LRFN5: variants seen among roughly 807,000 people sequenced by gnomAD.
LRFN5 encodes the protein leucine-rich repeat and fibronectin type-III domain-containing protein 5.
LRFN5 carries 24 observed loss-of-function variants against 45.6 expected under a neutral mutation model. The observed-to-expected ratio is 0.53, with a 90% CI of 0.38 to 0.74. LRFN5 has a LOEUF of 0.74. Ranked by LOEUF, LRFN5 falls within the 30% of genes least tolerant of loss-of-function variation. The probability of loss-of-function intolerance (pLI) is 0.00; values close to 1 mark genes in which losing one functional copy is unlikely to be tolerated. For missense variants in LRFN5, 776 were observed against 861.5 expected (o/e 0.90, Z 1.24); for synonymous variants, 340 against 313.8 (o/e 1.08, Z -0.88).
chr14:41,645,442 C>T (rs1879771519), intron 1 of LRFN5, among the ~76,000 whole-genome samples: 1 of 152,136 alleles, frequency 6.6e-6, no homozygotes, highest in South Asian at 2.1e-4. Flanking sequence ...ATCATGTTGG[C>T]CAGGCTGGTT....
intron 2 of LRFN5, among the ~76,000 whole-genome samples, chr14:41,781,098 A>T (rs924873941): frequency 6.6e-6 from 1 of 152,142 alleles, no homozygotes; most frequent in African/African-American, 2.4e-5. Context: ...AAGAACAGGG[A>T]AAATATTTTA....
At chr14:41,867,382 G>T (rs1032104984) in intron 2 of LRFN5, among the ~76,000 whole-genome samples, 7 of 152,056 alleles carry the variant, frequency 4.6e-5, no homozygotes, top group African/African-American at 1.7e-4. Context: ...TTATGTGTGT[G>T]CATGGGTGCA....
At chr14:41,856,678 T>TTATTA (rs1566486504) in intron 2 of LRFN5, among the ~76,000 whole-genome samples, 56 of 3,752 alleles carry the variant, frequency 0.015, 1 homozygote, top group African/African-American at 0.023. Flanking sequence ...TATTATTATT[T>TTATTA]TTTTTTTTTT....
At chr14:41,868,570 C>T (rs1889914819) in intron 2 of LRFN5, among the ~76,000 whole-genome samples, 1 of 152,100 alleles carries the variant, frequency 6.6e-6, no homozygotes, top group Non-Finnish European at 1.5e-5. Flanking sequence ...AACTATCCAC[C>T]ACCTACTGAT....
At chr14:41,642,259 A>G (rs1383955294) in intron 1 of LRFN5, among the ~76,000 whole-genome samples, 1 of 152,180 alleles carries the variant, frequency 6.6e-6, no homozygotes, top group Non-Finnish European at 1.5e-5. Flanking sequence ...ACAAAGTACA[A>G]TCTGGCTAGT....
In LRFN5 at chr14:41,818,516, C is replaced by T. The variant is rs80224117; in HGVS notation, c.-21+51487C>T. 2.4e-4 allele frequency among the ~76,000 whole-genome samples: 37 copies of T among 152,046 alleles called. No homozygotes were observed. In the East Asian group the frequency reaches 6.6e-3, roughly 27 times the overall value. On this transcript the variant is annotated intron_variant, in intron 2 of 5. Transcript: ENST00000298119. ...ATACACACACACAAACACACACACA[C>T]ACATACACATCCCATTTACATTCCT...
chr14:41,762,806 A>G (rs1885725065), intron 1 of LRFN5, among the ~76,000 whole-genome samples: 1 of 152,130 alleles, frequency 6.6e-6, no homozygotes, highest in Admixed American at 6.5e-5. Context: ...TGATTCAATT[A>G]TTTATATATT....
intron 1 of LRFN5, among the ~76,000 whole-genome samples, chr14:41,618,688 G>A (rs2138552910): frequency 6.6e-6 from 1 of 152,240 alleles, no homozygotes; most frequent in Non-Finnish European, 1.5e-5. Flanking sequence ...ACAAAATTAT[G>A]TAATCAGAAT....
At chr14:41,856,916 G>A (rs1889492222) in intron 2 of LRFN5, among the ~76,000 whole-genome samples, 1 of 149,674 alleles carries the variant, frequency 6.7e-6, no homozygotes, top group African/African-American at 2.5e-5. Flanking sequence ...CGCCCGCCTC[G>A]GCCTCCCAAA....
chr14:41,778,927 G>A (rs965633327), intron 2 of LRFN5, among the ~76,000 whole-genome samples: 3 of 151,710 alleles, frequency 2.0e-5, no homozygotes, highest in African/African-American at 4.8e-5. Context: ...GATTTTCTAT[G>A]TAGACAGACG....
chr14:41,891,663 C>T lies in LRFN5; in HGVS notation c.1799C>T (p.Ala600Val). ...SKQAVGHEEN[A>V]QCCKATSDNV... ...CAAGCTGTGGGACACGAAGAGAATGCCCAGTGTTGTAAAGCTACCAGTGAC... is the reference window on the plus strand; with the variant it reads ...CAAGCTGTGGGACACGAAGAGAATGTCCAGTGTTGTAAAGCTACCAGTGAC... Residue 600 changes from alanine to valine, a missense_variant, in exon 4 of 6, where the codon GCC becomes GTC. Ala to Val is a moderately conservative substitution (Grantham distance 64). This residue lies in a region of LRFN5 where 465 missense variants were observed against 456.4 expected (regional missense o/e 1.02). Coordinates refer to ENST00000298119, the MANE Select transcript of LRFN5 (RefSeq NM_152447.5). 1 of 1,614,144 alleles carries T rather than the reference C, an allele frequency of 6.2e-7. No individual in the cohort carries two copies. Among genetic ancestry groups the T allele is most frequent in the Non-Finnish European group, 8.5e-7 (1 of 1,180,020 alleles).
chr14:41,769,677 G>A (rs1426411420), intron 2 of LRFN5, among the ~76,000 whole-genome samples: 1 of 151,968 alleles, frequency 6.6e-6, no homozygotes, highest in Non-Finnish European at 1.5e-5. Context: ...TTTAAGTGGT[G>A]CTTTATTTTT....
At chr14:41,858,348 G>T (rs1165106493) in intron 2 of LRFN5, among the ~76,000 whole-genome samples, 1 of 152,024 alleles carries the variant, frequency 6.6e-6, no homozygotes, top group Non-Finnish European at 1.5e-5. Context: ...AGATAAAAAG[G>T]CCTTTAGACA....
intron 1 of LRFN5, among the ~76,000 whole-genome samples, chr14:41,630,510 T>C (rs1888496373): frequency 6.6e-6 from 1 of 152,122 alleles, no homozygotes; most frequent in African/African-American, 2.4e-5. Flanking sequence ...TCTGTATTGT[T>C]TGCTTAGAAC....
At chr14:41,836,897 G>A (rs1233365644) in intron 2 of LRFN5, among the ~76,000 whole-genome samples, 3 of 152,050 alleles carry the variant, frequency 2.0e-5, no homozygotes, top group Non-Finnish European at 4.4e-5. Context: ...AGTAGCAGCA[G>A]GACACAGAGA....
intron 1 of LRFN5, among the ~76,000 whole-genome samples, chr14:41,719,579 A>T (rs1317221681): frequency 6.6e-6 from 1 of 152,032 alleles, no homozygotes; most frequent in Non-Finnish European, 1.5e-5. Flanking sequence ...GCTTCAGATT[A>T]CCTCTAATGC....
At chr14:41,860,984 C>G (rs887725979) in intron 2 of LRFN5, among the ~76,000 whole-genome samples, 3 of 152,186 alleles carry the variant, frequency 2.0e-5, no homozygotes, top group Admixed American at 1.3e-4. Context: ...AAAAGTAATT[C>G]TGCTCAGAGT....
chr14:41,830,021 T>C (rs1888427397), intron 2 of LRFN5, among the ~76,000 whole-genome samples: 3 of 151,342 alleles, frequency 2.0e-5, no homozygotes, highest in South Asian at 2.1e-4. Context: ...TCTAATTGTA[T>C]CTTAATACAT....
chr14:41,693,807 T>C (rs964828357), intron 1 of LRFN5, among the ~76,000 whole-genome samples: 2 of 152,018 alleles, frequency 1.3e-5, no homozygotes, highest in South Asian at 2.1e-4. Flanking sequence ...ATACTGTTGA[T>C]TAAAAACAGA....
Sources: allele counts gnomAD v4.1 joint callset (sites outside exome capture counted in the v4.1 genomes callset), GRCh38; gene constraint gnomAD v4.1.1; regional missense constraint gnomAD v4.1.1; transcripts MANE v1.5; gene names NCBI Gene and HGNC (gene_info 2026-07-23, HGNC 2026-07-21).